Variants in MYO9A observed in about 807,000 individuals in gnomAD.
MYO9A encodes the protein myosin IXA, also known as unconventional myosin-IXa.
Under a neutral mutation model 293.3 loss-of-function variants are expected in MYO9A, and 103 were observed. The observed-to-expected ratio is 0.35, with a 90% CI of 0.30 to 0.41. The LOEUF (loss-of-function observed/expected upper bound fraction) is 0.41. Ranked by LOEUF, MYO9A falls within the 10% of genes least tolerant of loss-of-function variation. MYO9A has a pLI of 1.00. For synonymous variants in MYO9A, 1,001 were observed against 1,035.7 expected, an observed-to-expected ratio of 0.97 and a Z score of 0.64; for missense variants, 2,685 against 3,033.0, an observed-to-expected ratio of 0.89 and a Z score of 2.69.
In MYO9A at chr15:71,899,931, T is replaced by C. The variant is rs2057436179; in HGVS notation, c.3226A>G (p.Ser1076Gly). ...AVQKDAFVMA[S>G]AAALLQASWR... ...GAAGCTTGGAGAAGAGCAGCTGCAC[T>C]AGCCATAACAAAAGCATCCTTCTGC... Residue 1076 changes from serine (S) to glycine (G), a missense_variant, in exon 24 of 42, where the codon AGT becomes GGT. Transcript: ENST00000356056. The C allele has an allele frequency of 6.2e-7, 1 of 1,614,120 alleles. No individual in the cohort carries two copies. The highest frequency in any genetic ancestry group is 1.1e-5 in the South Asian group (1 of 91,082).
intron 24 of MYO9A, among the ~76,000 whole-genome samples, 183 bp from the exon 25 acceptor site, chr15:71,899,215 T>C (rs2057415602): frequency 6.6e-6 from 1 of 152,216 alleles, no homozygotes; most frequent in African/African-American, 2.4e-5. Flanking sequence ...CAGATGATAT[T>C]TCATTAAGTG....
intron 19 of MYO9A, among the ~76,000 whole-genome samples, chr15:71,905,630 T>C (rs2057609832): frequency 6.6e-6 from 1 of 151,822 alleles, no homozygotes; most frequent in African/African-American, 2.4e-5. Context: ...TACTAAAAAA[T>C]ACAAAAATTA....
chr15:71,928,859 G>A (rs1041555772), intron 18 of MYO9A, among the ~76,000 whole-genome samples: 3 of 149,480 alleles, frequency 2.0e-5, no homozygotes, highest in Non-Finnish European at 4.4e-5. Context: ...AAGACTTTAA[G>A]ACCAGCCTGG....
intron 15 of MYO9A, among the ~76,000 whole-genome samples, chr15:71,950,555 A>G (rs2059026156): frequency 6.6e-6 from 1 of 152,270 alleles, no homozygotes; most frequent in Non-Finnish European, 1.5e-5. Context: ...GATTTGTTAC[A>G]TTCCTCTTAG....
intron 11 of MYO9A, among the ~76,000 whole-genome samples, chr15:71,982,571 C>G (rs1230487313): frequency 2.0e-5 from 3 of 152,158 alleles, no homozygotes; most frequent in Non-Finnish European, 4.4e-5. Flanking sequence ...TTTAAATCTT[C>G]TATATCCTTA....
In MYO9A at chr15:72,022,519, C is replaced by CA. The variant is rs113771556; in HGVS notation, c.999-1503dup. ...CTGGTGACAAGGCGAGACTCTGTCT[C>CA]AAAAAAAAAAAAAAATCCAATTTTG... is the stretch of plus-strand genomic sequence containing the variant. On this transcript the variant is annotated intron_variant, in intron 4 of 41. Coordinates refer to ENST00000356056, the MANE Select transcript of MYO9A (RefSeq NM_006901.4). Among the ~76,000 whole-genome samples, 1,186 of 127,006 alleles carry CA rather than the reference C, an allele frequency of 9.3e-3. 14 individuals carry two copies. Among genetic ancestry groups the CA allele is most frequent in the African/African-American group, 0.025 (872 of 34,496 alleles). The allele number at this position is 127,006 out of a possible 152,430, so 83.3% of individuals were successfully genotyped here.
At chr15:71,861,446 ATATATTTATATGTAAAATAATATATATAT>A (rs1380018886) in intron 33 of MYO9A, among the ~76,000 whole-genome samples, 1 of 148,138 alleles carries the variant, frequency 6.8e-6, no homozygotes, top group African/African-American at 2.4e-5. Context: ...ATATTTAGAT[ATATATTTATATGTAAAATAATATATATAT>A]TATATTTATA....
rs2141282724 is a variant in MYO9A at position 71,850,150 on chromosome 15, T to C, written c.6599A>G (p.Asp2200Gly). ...FHLVRIALQE[D>G]TNRMSANALA... ...AGCATTAGCAGACATTCGATTAGTGTCTTCCTGCAGAGCAATCCTAAGAAT... is the reference window on the plus strand; with the variant it reads ...AGCATTAGCAGACATTCGATTAGTGCCTTCCTGCAGAGCAATCCTAAGAAT... The change falls in exon 38 of 42, where the codon GAC becomes GGC. Residue 2200 changes from aspartate (D) to glycine (G), a missense_variant. This residue lies in a region of MYO9A where 238 missense variants were observed against 269.1 expected (regional missense o/e 0.88). Transcript: ENST00000356056. 1 of 1,614,076 alleles carries C rather than the reference T, an allele frequency of 6.2e-7. No homozygotes were observed. The highest frequency in any genetic ancestry group is 8.5e-7 in the Non-Finnish European group (1 of 1,179,978).
Position 71,991,252 on chromosome 15 carries a change from A to T in MYO9A, c.1588-15T>A. The T allele has an allele frequency of 1.3e-6, 2 of 1,560,244 alleles. No homozygotes were observed. The highest frequency in any genetic ancestry group is 1.7e-6 in the Non-Finnish European group (2 of 1,153,592). ...ATAGACAATGTCTGTAAAACAAGAG[A>T]AAGTTTTGATTAAAAGTAATGTTTA... On this transcript the variant is annotated splice_polypyrimidine_tract_variant and intron_variant, in intron 10 of 41. Coordinates refer to ENST00000356056, the MANE Select transcript of MYO9A (RefSeq NM_006901.4).
At chr15:71,917,118 A>G (rs1222596468) in intron 18 of MYO9A, among the ~76,000 whole-genome samples, 1 of 152,216 alleles carries the variant, frequency 6.6e-6, no homozygotes, top group African/African-American at 2.4e-5. Context: ...TAATGATTTT[A>G]TAAGTGCCTG....
chr15:72,087,835 G>A lies in MYO9A; in HGVS notation c.-72+29845C>T, dbSNP rs28727443. ...ACCTTCTATTCTTTTCTGCTGTTTG[G>A]GTTTATACTACTGTCGTTATGTACT... is the stretch of plus-strand genomic sequence containing the variant. On this transcript the variant is annotated intron_variant, in intron 1 of 41. Coordinates refer to ENST00000356056, the MANE Select transcript of MYO9A (RefSeq NM_006901.4). Among the ~76,000 whole-genome samples, 856 of 152,050 alleles carry A rather than the reference G, an allele frequency of 5.6e-3. 12 individuals carry two copies. Among genetic ancestry groups the A allele is most frequent in the African/African-American group, 0.02 (810 of 41,464 alleles).
intron 18 of MYO9A, among the ~76,000 whole-genome samples, chr15:71,928,075 T>A (rs2058375225): frequency 9.5e-5 from 2 of 21,080 alleles, no homozygotes; most frequent in South Asian, 3.4e-3. Context: ...TTTTTTTTTT[T>A]TTTTTTTTTT....
At chr15:72,069,544 C>G (rs539394948) in intron 1 of MYO9A, among the ~76,000 whole-genome samples, 2 of 152,188 alleles carry the variant, frequency 1.3e-5, no homozygotes, top group East Asian at 1.9e-4. Flanking sequence ...AGAATCAATA[C>G]AAGATCTCTA....
chr15:71,970,682 C>A (rs369985057), intron 12 of MYO9A, among the ~76,000 whole-genome samples: 1 of 152,220 alleles, frequency 6.6e-6, no homozygotes, highest in Admixed American at 6.5e-5. Flanking sequence ...ATCCTACCTA[C>A]AACAATACGC....
In MYO9A at chr15:71,852,146, A is replaced by C. The variant is rs2055675743; in HGVS notation, c.6461T>G (p.Phe2154Cys). The change falls in exon 36 of 42, where the codon TTT becomes TGT. Residue 2154 changes from phenylalanine to cysteine, a missense_variant. Phe to Cys is a radical substitution (Grantham distance 205). This residue lies in a region of MYO9A where 238 missense variants were observed against 269.1 expected (regional missense o/e 0.88). Transcript: ENST00000356056. ...PLMTFELYEE[F>C]LRAMGLQERK... ...CCTATGCTTACCCATAGCTCGAAGAAATTCCTCATAGAGTTCAAAGGTCAT... is the reference window on the plus strand; with the variant it reads ...CCTATGCTTACCCATAGCTCGAAGACATTCCTCATAGAGTTCAAAGGTCAT... The C allele has an allele frequency of 6.2e-7, 1 of 1,611,850 alleles. No homozygotes were observed. Among genetic ancestry groups the C allele is most frequent in the South Asian group, 1.1e-5 (1 of 90,666 alleles).
chr15:72,027,821 T>C (rs1229325011), intron 3 of MYO9A, 28 bp from the exon 4 acceptor site: 12 of 1,511,032 alleles, frequency 7.9e-6, no homozygotes, highest in African/African-American at 5.6e-5. Context: ...TTGGTTGATA[T>C]AAATAATAAA....
intron 32 of MYO9A, among the ~76,000 whole-genome samples, chr15:71,865,678 C>T (rs2056298306): frequency 6.6e-6 from 1 of 152,226 alleles, no homozygotes; most frequent in African/African-American, 2.4e-5. Flanking sequence ...AGTGAGTGCT[C>T]AGAAAGTACA....
At chr15:72,007,199 G>T (rs2077041326) in intron 8 of MYO9A, among the ~76,000 whole-genome samples, 1 of 151,924 alleles carries the variant, frequency 6.6e-6, no homozygotes, top group Non-Finnish European at 1.5e-5. Context: ...CAGACGATAG[G>T]GCCTATAAGA....
intron 1 of MYO9A, among the ~76,000 whole-genome samples, chr15:72,075,890 G>A (rs1477628888): frequency 6.6e-6 from 1 of 152,202 alleles, no homozygotes; most frequent in Non-Finnish European, 1.5e-5. Flanking sequence ...AGAAAATATT[G>A]TGAACAAGAC....
Sources: allele counts gnomAD v4.1 joint callset (sites outside exome capture counted in the v4.1 genomes callset), GRCh38; gene constraint gnomAD v4.1.1; regional missense constraint gnomAD v4.1.1; transcripts MANE v1.5; gene names NCBI Gene and HGNC (gene_info 2026-07-23, HGNC 2026-07-21).